Variants in COL11A1 observed in about 807,000 individuals in gnomAD.
COL11A1 encodes collagen alpha-1(XI) chain.
COL11A1 carries 74 observed loss-of-function variants against 265.2 expected under a neutral mutation model. That is an observed-to-expected ratio of 0.28 (90% confidence interval 0.23 to 0.34). The LOEUF is 0.34. Ranked by LOEUF, COL11A1 falls within the 10% of genes least tolerant of loss-of-function variation. The pLI, the probability that COL11A1 is intolerant of heterozygous loss-of-function variation, is 1.00. For missense variants in COL11A1, 2,165 were observed against 2,263.6 expected, an observed-to-expected ratio of 0.96 and a Z score of 0.88; for synonymous variants, 816 against 727.6, an observed-to-expected ratio of 1.12 and a Z score of -1.96.
chr1:103,081,822 C>G (rs1457160384), intron 2 of COL11A1, among the ~76,000 whole-genome samples: 1 of 151,820 alleles, frequency 6.6e-6, no homozygotes, highest in Admixed American at 6.6e-5. Context: ...CCAGAAAGGA[C>G]CATTTGATGA....
chr1:102,904,246 T>C (rs1479385893), intron 54 of COL11A1, among the ~76,000 whole-genome samples: 2 of 152,178 alleles, frequency 1.3e-5, no homozygotes, highest in African/African-American at 2.4e-5. Flanking sequence ...AAGACTTAAA[T>C]GTTAGACCTA....
intron 18 of COL11A1, among the ~76,000 whole-genome samples, chr1:103,005,521 A>T (rs1050918760): frequency 6.6e-6 from 1 of 152,192 alleles, no homozygotes; most frequent in African/African-American, 2.4e-5. Flanking sequence ...AGGAATTATT[A>T]AAAAATTAGA....
intron 54 of COL11A1, 144 bp from the exon 55 acceptor site, chr1:102,899,138 C>T (rs1376226519): frequency 8.8e-6 from 3 of 341,784 alleles, no homozygotes; most frequent in Non-Finnish European, 1.6e-5. Context: ...AACATAATAA[C>T]GAAAATCAAA....
intron 4 of COL11A1, among the ~76,000 whole-genome samples, chr1:103,072,783 T>G (rs1165563918): frequency 6.6e-6 from 1 of 151,752 alleles, no homozygotes; most frequent in Non-Finnish European, 1.5e-5. Context: ...TAATATAATT[T>G]AGAAAGTAAG....
intron 45 of COL11A1, 82 bp from the exon 46 acceptor site, chr1:102,934,638 T>C: frequency 4.6e-6 from 5 of 1,083,528 alleles, no homozygotes; most frequent in Non-Finnish European, 7.1e-6. Flanking sequence ...CCATTTCTAA[T>C]TTAATCAAAG....
At chr1:103,002,891 G>T in intron 21 of COL11A1, 100 bp from the exon 22 acceptor site, 1 of 1,110,468 alleles carries the variant, frequency 9.0e-7, no homozygotes, top group Non-Finnish European at 1.4e-6. Flanking sequence ...ACTACCCTAA[G>T]CAACTAAAAA....
At chr1:102,958,598 T>C (rs143696580) in intron 41 of COL11A1, among the ~76,000 whole-genome samples, 39 of 152,320 alleles carry the variant, frequency 2.6e-4, no homozygotes, top group Non-Finnish European at 4.3e-4. Flanking sequence ...ATTAAAACAA[T>C]AGTGTTAGGA....
Position 102,876,475 on chromosome 1 carries a change from G to A in COL11A1, c.*1544C>T, listed in dbSNP as rs1426649693. The A allele has an allele frequency of 6.6e-6, 1 of 152,414 alleles. No homozygotes were observed. Among genetic ancestry groups the A allele is most frequent in the Non-Finnish European group, 1.5e-5 (1 of 67,906 alleles). 9.4% of individuals were successfully genotyped at this position (152,414 alleles called of 1,614,324 possible). ...AGAAAGAAAATGACCAATCCAGGTA[G>A]CCAAGACTTGAGTTTATTTATTGGA... On this transcript the variant is annotated 3_prime_UTR_variant, in exon 67 of 67. Coordinates refer to ENST00000370096, the MANE Select transcript of COL11A1 (RefSeq NM_001854.4).
At chr1:103,047,487 C>T (rs1162899125) in intron 4 of COL11A1, among the ~76,000 whole-genome samples, 1 of 152,164 alleles carries the variant, frequency 6.6e-6, no homozygotes, top group African/African-American at 2.4e-5. Flanking sequence ...TGCTTATCAG[C>T]TTAAGGAGAT....
At chr1:103,065,700 T>A (rs1039031912) in intron 4 of COL11A1, among the ~76,000 whole-genome samples, 3 of 151,642 alleles carry the variant, frequency 2.0e-5, no homozygotes, top group Non-Finnish European at 2.9e-5. Flanking sequence ...GATACACTAT[T>A]GAAAAGAATG....
intron 1 of COL11A1, among the ~76,000 whole-genome samples, chr1:103,097,154 T>C (rs1673842958): frequency 6.6e-6 from 1 of 152,024 alleles, no homozygotes; most frequent in South Asian, 2.1e-4. Context: ...TGTGTTGATA[T>C]CGAAGTATGC....
chr1:102,932,140 G>A (rs539402106), intron 46 of COL11A1, among the ~76,000 whole-genome samples: 2 of 150,892 alleles, frequency 1.3e-5, no homozygotes, highest in Non-Finnish European at 1.5e-5. Flanking sequence ...TCATTATGAT[G>A]TTAGCTGGTT....
At chr1:103,091,886 G>A (rs540209696) in intron 1 of COL11A1, among the ~76,000 whole-genome samples, 1 of 152,092 alleles carries the variant, frequency 6.6e-6, no homozygotes, top group East Asian at 1.9e-4. Context: ...GGAGTTTTAG[G>A]AATTTTAGAG....
intron 1 of COL11A1, among the ~76,000 whole-genome samples, chr1:103,095,686 C>T (rs1673700611): frequency 6.6e-6 from 1 of 151,886 alleles, no homozygotes; most frequent in Non-Finnish European, 1.5e-5. Flanking sequence ...CTTTCCTGCT[C>T]AGGTCCCTTC....
At chr1:103,067,511 AT>A (rs1363557857) in intron 4 of COL11A1, among the ~76,000 whole-genome samples, 3 of 151,864 alleles carry the variant, frequency 2.0e-5, no homozygotes, top group African/African-American at 4.8e-5. Flanking sequence ...GTAATTTTAA[AT>A]TTTTATACTG....
At chr1:103,033,014 G>A (rs79509104) in intron 4 of COL11A1, among the ~76,000 whole-genome samples, 1,848 of 152,166 alleles carry the variant, frequency 0.012, 44 homozygotes, top group African/African-American at 0.042. Flanking sequence ...CCTGCAACCA[G>A]TGGCAGTCAC....
At chr1:103,079,627 A>T (rs530160920) in intron 2 of COL11A1, among the ~76,000 whole-genome samples, 1 of 152,140 alleles carries the variant, frequency 6.6e-6, no homozygotes, top group Admixed American at 6.6e-5. Flanking sequence ...TTTATAAAAC[A>T]ATGTATATTA....
chr1:103,036,009 A>G (rs1668340197), intron 4 of COL11A1, among the ~76,000 whole-genome samples: 1 of 151,864 alleles, frequency 6.6e-6, no homozygotes. Flanking sequence ...AAAAGCAAAG[A>G]GAAATTTGAA....
intron 4 of COL11A1, among the ~76,000 whole-genome samples, chr1:103,062,225 G>C (rs1457201521): frequency 6.6e-6 from 1 of 151,934 alleles, no homozygotes; most frequent in Non-Finnish European, 1.5e-5. Flanking sequence ...AACAAGATGG[G>C]TTCACTGTTG....
Sources: allele counts gnomAD v4.1 joint callset (sites outside exome capture counted in the v4.1 genomes callset), GRCh38; gene constraint gnomAD v4.1.1; transcripts MANE v1.5; gene names NCBI Gene and HGNC (gene_info 2026-07-23, HGNC 2026-07-21).